Variants in ARID5B observed in about 807,000 individuals in gnomAD.
The protein encoded by ARID5B is AT-rich interaction domain 5B.
In ARID5B, 13 loss-of-function variants were observed where a neutral mutation model predicts 97.2. That is an observed-to-expected ratio of 0.13 (90% confidence interval 0.09 to 0.21). The LOEUF (loss-of-function observed/expected upper bound fraction) is 0.21. ARID5B is among the 10% of genes least tolerant of loss of function. The pLI is 1.00. For synonymous variants in ARID5B, 556 were observed against 570.3 expected, an observed-to-expected ratio of 0.97 and a Z score of 0.36; for missense variants, 1,210 against 1,465.3, an observed-to-expected ratio of 0.83 and a Z score of 2.84.
At chr10:62,055,946 A>C (rs1047074100) in intron 5 of ARID5B, among the ~76,000 whole-genome samples, 3 of 152,180 alleles carry the variant, frequency 2.0e-5, no homozygotes, top group Non-Finnish European at 2.9e-5. Context: ...GGACATTTTT[A>C]TTCGTAACAT....
chr10:61,905,376 A>G (rs957383731), intron 2 of ARID5B, among the ~76,000 whole-genome samples: 2 of 151,742 alleles, frequency 1.3e-5, no homozygotes, highest in Admixed American at 6.6e-5. Context: ...CAGTTCTAAA[A>G]GCAGAAAAAT....
At chr10:62,025,051 C>T in intron 4 of ARID5B, 1 of 169,294 alleles carries the variant, frequency 5.9e-6, no homozygotes, top group Non-Finnish European at 1.3e-5. Flanking sequence ...GTAGGTTTCT[C>T]ACCATGGACC....
chr10:61,968,675 G>A (rs1203656816), intron 3 of ARID5B, among the ~76,000 whole-genome samples: 3 of 152,164 alleles, frequency 2.0e-5, no homozygotes, highest in Non-Finnish European at 4.4e-5. Flanking sequence ...GTCCATTTAT[G>A]ATACAGTGCC....
At chr10:61,984,559 T>TG (rs1042845824) in intron 3 of ARID5B, among the ~76,000 whole-genome samples, 105 of 151,504 alleles carry the variant, frequency 6.9e-4, no homozygotes, top group African/African-American at 1.7e-3. Context: ...AGGCAGCAGG[T>TG]GGGGGGGGCC....
intron 3 of ARID5B, among the ~76,000 whole-genome samples, chr10:61,976,870 TTTA>T (rs1838707499): frequency 6.6e-6 from 1 of 151,918 alleles, no homozygotes; most frequent in African/African-American, 2.4e-5. Context: ...TTTTTTTTTT[TTTA>T]TTATACTTTA....
intron 2 of ARID5B, among the ~76,000 whole-genome samples, chr10:61,910,560 C>G (rs897639447): frequency 1.3e-5 from 2 of 152,208 alleles, no homozygotes; most frequent in Non-Finnish European, 2.9e-5. Flanking sequence ...TTTCTGGCCA[C>G]GCTGTGTTCC....
chr10:61,975,071 G>T (rs1298711020), intron 3 of ARID5B, among the ~76,000 whole-genome samples: 2 of 151,808 alleles, frequency 1.3e-5, no homozygotes, highest in Non-Finnish European at 2.9e-5. Flanking sequence ...CCATTACTTT[G>T]CCTGAAACAA....
chr10:62,090,767 T>C (rs1379579052), intron 9 of ARID5B, 95 bp from the exon 10 acceptor site: 1 of 1,450,734 alleles, frequency 6.9e-7, no homozygotes, highest in East Asian at 2.4e-5. Flanking sequence ...AAGCCTGTTT[T>C]CAAGTAAAAC....
chr10:62,016,393 A>G (rs2132885795), intron 4 of ARID5B, among the ~76,000 whole-genome samples: 1 of 152,350 alleles, frequency 6.6e-6, no homozygotes, highest in Admixed American at 6.5e-5. Flanking sequence ...TATGTGCCAC[A>G]TTGCATATAC....
At chr10:61,935,650 GGT>G (rs1564606390) in intron 2 of ARID5B, among the ~76,000 whole-genome samples, 2 of 151,968 alleles carry the variant, frequency 1.3e-5, no homozygotes, top group Admixed American at 6.6e-5. Flanking sequence ...ATATAGTCGT[GGT>G]AGTTATATGA....
At chr10:61,919,041 C>A (rs1219397036) in intron 2 of ARID5B, among the ~76,000 whole-genome samples, 7 of 92,348 alleles carry the variant, frequency 7.6e-5, no homozygotes, top group African/African-American at 2.4e-4. Context: ...CTCCGTCCCC[C>A]CCCCCCCCCC....
chr10:62,024,861 A>C (rs748014255), intron 4 of ARID5B: 10 of 362,634 alleles, frequency 2.8e-5, no homozygotes, highest in African/African-American at 4.2e-5. Context: ...AAATATCGAG[A>C]ATGGCTCTGT....
intron 4 of ARID5B, chr10:62,024,796 A>G: frequency 2.6e-6 from 1 of 386,676 alleles, no homozygotes; most frequent in Non-Finnish European, 4.6e-6. Flanking sequence ...GAGACGAATG[A>G]TCATCTGTAT....
intron 3 of ARID5B, among the ~76,000 whole-genome samples, chr10:61,940,741 G>A (rs1187827366): frequency 6.6e-6 from 1 of 151,108 alleles, no homozygotes; most frequent in Non-Finnish European, 1.5e-5. Context: ...TAAGTATGTA[G>A]TATGACATCT....
intron 3 of ARID5B, among the ~76,000 whole-genome samples, chr10:61,995,317 A>G (rs927837044): frequency 6.6e-6 from 1 of 152,222 alleles, no homozygotes; most frequent in African/African-American, 2.4e-5. Flanking sequence ...CCCTTGTTTC[A>G]TGGGTAACTT....
intron 2 of ARID5B, among the ~76,000 whole-genome samples, chr10:61,930,028 A>T (rs1045045491): frequency 3.3e-5 from 5 of 152,206 alleles, no homozygotes; most frequent in Non-Finnish European, 7.3e-5. Context: ...TAGAGTGTGG[A>T]TGAATTTTTG....
intron 3 of ARID5B, among the ~76,000 whole-genome samples, chr10:61,996,179 A>C (rs1564623071): frequency 1.3e-5 from 2 of 152,200 alleles, no homozygotes; most frequent in African/African-American, 4.8e-5. Flanking sequence ...AAATCATTAC[A>C]GTGGAAATTG....
intron 4 of ARID5B, among the ~76,000 whole-genome samples, chr10:62,001,974 C>T (rs917133355): frequency 3.3e-5 from 5 of 152,090 alleles, no homozygotes; most frequent in South Asian, 4.1e-4. Context: ...CTTTTCAATA[C>T]CTGTGTTTGA....
intron 3 of ARID5B, among the ~76,000 whole-genome samples, chr10:61,945,826 G>A (rs936004869): frequency 6.6e-6 from 1 of 151,884 alleles, no homozygotes; most frequent in Admixed American, 6.6e-5. Context: ...GTGGTACAAG[G>A]TTAGCTTATT....
Sources: gnomAD v4.1 joint callset for allele counts (sites outside exome capture counted in the v4.1 genomes callset) on GRCh38, gnomAD v4.1.1 for gene constraint, MANE v1.5 for transcripts, NCBI Gene and HGNC (gene_info 2026-07-23, HGNC 2026-07-21) for gene names.